Variants in PLA1A observed in about 807,000 individuals in gnomAD.
PLA1A encodes the protein phosphatidylserine-specific phospholipase A1alpha.
In PLA1A, 47 loss-of-function variants were observed where a neutral mutation model predicts 49.4. The ratio of observed to expected loss-of-function variants is 0.95; its 90% CI spans 0.75 to 1.21. The LOEUF (loss-of-function observed/expected upper bound fraction) is 1.21, where lower values mean the gene tolerates loss of function less well. PLA1A is among the 50% of genes most tolerant of loss of function. The pLI, the probability that PLA1A is intolerant of heterozygous loss-of-function variation, is 0.00. For missense variants in PLA1A, 561 were observed against 563.9 expected (o/e 0.99, Z 0.05); for synonymous variants, 224 against 207.9 (o/e 1.08, Z -0.67).
chr3:119,611,048 A>G (rs1316663884), intron 4 of PLA1A, among the ~76,000 whole-genome samples: 1 of 152,024 alleles, frequency 6.6e-6, no homozygotes, highest in Non-Finnish European at 1.5e-5. Flanking sequence ...GTTTTCCCAC[A>G]CCATTTATCG....
intron 1 of PLA1A, among the ~76,000 whole-genome samples, chr3:119,602,458 T>C (rs767737308): frequency 6.6e-6 from 1 of 152,228 alleles, no homozygotes; most frequent in Non-Finnish European, 1.5e-5. Context: ...AACTTTTTTA[T>C]GGTGTAAGGA....
intron 8 of PLA1A, among the ~76,000 whole-genome samples, chr3:119,620,880 T>C (rs1018595495): frequency 6.6e-6 from 1 of 152,214 alleles, no homozygotes; most frequent in Non-Finnish European, 1.5e-5. Context: ...CCAAGTGGCA[T>C]GCCCAAGTCT....
At chr3:119,607,143 A>G in intron 2 of PLA1A, 168 bp downstream of exon 2, 1 of 622,726 alleles carries the variant, frequency 1.6e-6, no homozygotes, top group Non-Finnish European at 2.9e-6. Flanking sequence ...ACATGCACAC[A>G]TGGTGTTCAT....
In PLA1A at chr3:119,629,722, T is replaced by C; in HGVS notation, c.*254T>C. On this transcript the variant is annotated 3_prime_UTR_variant, in exon 11 of 11. Transcript: ENST00000273371. The stretch of plus-strand genomic sequence containing the variant: ...CATGCATACTTAACTGCACTTGCTT[T>C]ATCTCCTTGGGCATTCGTACTTAGG... 4.5e-6 allele frequency: 2 copies of C among 449,260 alleles called. No homozygotes were observed. 27.8% of individuals were successfully genotyped at this position (449,260 alleles called of 1,614,324 possible). A position where few individuals can be genotyped will look rare whatever the true frequency, so the allele number is the denominator to read the frequency against.
chr3:119,599,974 G>A (rs567195396), intron 1 of PLA1A, among the ~76,000 whole-genome samples: 88 of 142,250 alleles, frequency 6.2e-4, no homozygotes, highest in South Asian at 1.7e-3. Context: ...GTGTGTGTGC[G>A]TGTGTGTGTG....
chr3:119,609,081 C>A, intron 3 of PLA1A, 134 bp downstream of exon 3: 1 of 685,722 alleles, frequency 1.5e-6, no homozygotes, highest in Non-Finnish European at 2.5e-6. Context: ...GGGTTCAAAT[C>A]TTGACTTTGC....
chr3:119,626,344 G>T (rs989928687), intron 9 of PLA1A, among the ~76,000 whole-genome samples: 3 of 152,200 alleles, frequency 2.0e-5, no homozygotes, highest in Non-Finnish European at 4.4e-5. Flanking sequence ...ACAGGGAAAT[G>T]ACCAGTGCAC....
intron 5 of PLA1A, among the ~76,000 whole-genome samples, chr3:119,614,005 G>A (rs553988683): frequency 3.3e-5 from 5 of 152,316 alleles, no homozygotes; most frequent in African/African-American, 9.6e-5. Context: ...TGGGAAAGGC[G>A]GGGGCATTCC....
At chr3:119,610,460 C>T (rs1056359469) in intron 4 of PLA1A, among the ~76,000 whole-genome samples, 1 of 152,122 alleles carries the variant, frequency 6.6e-6, no homozygotes, top group Admixed American at 6.5e-5. Context: ...TAAGTATTCC[C>T]TTTTCTCTGC....
At chr3:119,619,974 T>G (rs2082906638) in intron 8 of PLA1A, 1 of 450,086 alleles carries the variant, frequency 2.2e-6, no homozygotes, top group East Asian at 6.2e-5. Flanking sequence ...CATTTCCCAC[T>G]TCTTGGCGCC....
chr3:119,613,710 G>A (rs546141166), intron 5 of PLA1A, among the ~76,000 whole-genome samples: 49 of 152,212 alleles, frequency 3.2e-4, no homozygotes, highest in African/African-American at 1.0e-3. Flanking sequence ...TGGCTAACAC[G>A]GTGAAACCCC....
intron 10 of PLA1A, 33 bp from the exon 11 acceptor site, chr3:119,629,351 A>G (rs2052591792): frequency 1.6e-6 from 2 of 1,265,482 alleles, no homozygotes; most frequent in Non-Finnish European, 2.3e-6. Context: ...TCTCCTCACC[A>G]GCCACTGCTC....
At chr3:119,618,413 A>C (rs577013156) in intron 7 of PLA1A, among the ~76,000 whole-genome samples, 4 of 151,996 alleles carry the variant, frequency 2.6e-5, no homozygotes, top group Admixed American at 6.6e-5. Context: ...TCCTTGCCCC[A>C]CACACACCCT....
chr3:119,604,969 G>A (rs2107777824), intron 1 of PLA1A, among the ~76,000 whole-genome samples: 1 of 152,218 alleles, frequency 6.6e-6, no homozygotes, highest in East Asian at 1.9e-4. Flanking sequence ...GATTATTTGG[G>A]CCTGCTTTGT....
intron 10 of PLA1A, 117 bp downstream of exon 10, chr3:119,628,982 G>A (rs1348733044): frequency 2.0e-5 from 17 of 871,534 alleles, no homozygotes; most frequent in Non-Finnish European, 3.1e-5. Context: ...CATCTTAGAA[G>A]CAGAGATGAC....
intron 8 of PLA1A, among the ~76,000 whole-genome samples, chr3:119,623,219 G>A (rs1443762881): frequency 6.6e-6 from 1 of 152,086 alleles, no homozygotes; most frequent in Non-Finnish European, 1.5e-5. Context: ...ACGGTTCACT[G>A]CAGCTACAAC....
In PLA1A at chr3:119,599,136, T is replaced by C. The variant is rs80250888; in HGVS notation, c.73+1150T>C. 9.7e-3 allele frequency among the ~76,000 whole-genome samples: 1,478 copies of C among 152,284 alleles called. 22 individuals carry two copies. Among genetic ancestry groups the C allele is most frequent in the African/African-American group, 0.032 (1,350 of 41,548 alleles). ...TGGGTCGGGCTAACCCAGACTGGAA[T>C]CCTGGCTCTGTTTCTTTGTAGCTAT... On this transcript the variant is annotated intron_variant, in intron 1 of 10. Coordinates refer to ENST00000273371, the MANE Select transcript of PLA1A (RefSeq NM_015900.4).
intron 1 of PLA1A, among the ~76,000 whole-genome samples, chr3:119,602,399 A>G (rs1028796362): frequency 1.3e-5 from 2 of 152,180 alleles, no homozygotes; most frequent in African/African-American, 4.8e-5. Flanking sequence ...CTAGGAAATG[A>G]TCCATTTTCT....
rs372713488 is a variant in PLA1A at position 119,609,552 on chromosome 3, G to A, written c.538G>A (p.Gly180Arg). 28 of 1,604,316 alleles carry A rather than the reference G, an allele frequency of 1.7e-5. No homozygotes were observed. The East Asian group carries it at 2.0e-4, about 12-fold the overall frequency. Residue 180 changes from glycine to arginine, a missense_variant, in exon 4 of 11, where the codon GGA becomes AGA. By Grantham distance (125) the Gly-to-Arg change is moderately radical. Coordinates refer to ENST00000273371, the MANE Select transcript of PLA1A (RefSeq NM_015900.4). The part of the protein sequence containing the change: ...HVGGMVGQLF[G>R]GQLGQITGLD... ...TGGGGGCATGGTGGGACAGCTCTTC[G>A]GAGGCCAGCTGGGACAGATCACAGG... is the stretch of plus-strand genomic sequence containing the variant.
Sources: allele counts gnomAD v4.1 joint callset (sites outside exome capture counted in the v4.1 genomes callset), GRCh38; gene constraint gnomAD v4.1.1; transcripts MANE v1.5; gene names NCBI Gene and HGNC (gene_info 2026-07-23, HGNC 2026-07-21).